CFAP92: variants seen among roughly 807,000 people sequenced by gnomAD.
CFAP92 encodes the protein uncharacterized protein CFAP92.
In CFAP92, 86 loss-of-function variants were observed where a neutral mutation model predicts 106.3. That is an observed-to-expected ratio of 0.81 (90% CI 0.68 to 0.97). The LOEUF (loss-of-function observed/expected upper bound fraction) is 0.97. CFAP92 is among the 50% of genes least tolerant of loss of function. The probability of loss-of-function intolerance (pLI) is 0.00; values close to 1 mark genes in which losing one functional copy is unlikely to be tolerated. For synonymous variants in CFAP92, 477 were observed against 506.4 expected (o/e 0.94, Z 0.78); for missense variants, 1,204 against 1,283.8 (o/e 0.94, Z 0.95).
At chr3:128,978,015 A>C (rs759878453) in intron 5 of CFAP92, 30 bp downstream of exon 5, 4 of 1,613,204 alleles carry the variant, frequency 2.5e-6, no homozygotes, top group East Asian at 2.2e-5. Flanking sequence ...CCTTGCACTC[A>C]GCTTGTCCAC....
In CFAP92 at chr3:128,965,640, G is replaced by A. The variant is rs1379557016; in HGVS notation, c.1224C>T (p.Cys408=). 2.5e-6 allele frequency: 1 copy of A among 398,594 alleles called. No individual in the cohort carries two copies. Among genetic ancestry groups the A allele is most frequent in the Non-Finnish European group, 4.4e-6 (1 of 226,014 alleles). 24.7% of individuals were successfully genotyped at this position (398,594 alleles called of 1,614,324 possible). The part of the protein sequence containing the change: ...GSEKSANILD[C]LLTLKTEVPI... ...GAACTTCTGTTTTTAAAGTCAAAAG[G>A]CAATCTAAAATGTTGGCAGACTTCT... The change falls in exon 9 of 16, where the codon TGC becomes TGT. Residue 408 remains cysteine, a synonymous_variant. Coordinates refer to ENST00000645291, the MANE Select transcript of CFAP92 (RefSeq NM_001394090.1).
chr3:129,023,695 A>T, the CFAP92 span, among the ~76,000 whole-genome samples: 1 of 152,210 alleles, frequency 6.6e-6, no homozygotes, highest in Admixed American at 6.5e-5. Context: ...GGTTTTCATT[A>T]TTGGTTATAA....
At chr3:129,003,945 G>A (rs1171029921), upstream of CFAP92, 2 of 1,407,510 alleles carry the variant, frequency 1.4e-6, no homozygotes, top group Non-Finnish European at 1.8e-6. Context: ...GAGGTGCGGC[G>A]GCGCGCGGAG....
At chr3:128,956,207 T>TAAAAAAAAAAAAAAAAAAAAAAAAAA (rs1256391409) in intron 9 of CFAP92, among the ~76,000 whole-genome samples, 1 of 53,224 alleles carries the variant, frequency 1.9e-5, no homozygotes, top group Non-Finnish European at 3.3e-5. Flanking sequence ...AAAAAAAAAA[T>TAAAAAAAAAAAAAAAAAAAAAAAAAA]AAAAAAATAA....
At chr3:128,984,749 C>A (rs543950461) in intron 4 of CFAP92, among the ~76,000 whole-genome samples, 3 of 152,316 alleles carry the variant, frequency 2.0e-5, no homozygotes, top group African/African-American at 7.2e-5. Flanking sequence ...GACTAGTACA[C>A]TGAGTCAGAT....
intron 10 of CFAP92, among the ~76,000 whole-genome samples, chr3:128,937,581 G>C (rs1939176257): frequency 6.7e-6 from 1 of 150,242 alleles, no homozygotes; most frequent in Non-Finnish European, 1.5e-5. Context: ...TCCAGCTTGG[G>C]CGACAGAGCG....
At chr3:128,941,700 C>G (rs1939651934) in intron 10 of CFAP92, among the ~76,000 whole-genome samples, 1 of 152,224 alleles carries the variant, frequency 6.6e-6, no homozygotes, top group Non-Finnish European at 1.5e-5. Flanking sequence ...TGGTCTCAAA[C>G]TCCTGACCTC....
the CFAP92 span, among the ~76,000 whole-genome samples, chr3:129,015,893 G>A: frequency 6.6e-6 from 1 of 152,172 alleles, no homozygotes; most frequent in African/African-American, 2.4e-5. Context: ...GGAAGCCGCT[G>A]TGTGCGAACC....
At chr3:128,956,203 A>T (rs558805374) in intron 9 of CFAP92, among the ~76,000 whole-genome samples, 1,930 of 104,016 alleles carry the variant, frequency 0.019, 63 homozygotes, top group African/African-American at 0.081. Context: ...AAATAAAAAA[A>T]AAATAAAAAA....
intron 1 of CFAP92, chr3:129,001,613 G>GGC: frequency 1.5e-6 from 2 of 1,355,228 alleles, no homozygotes; most frequent in South Asian, 3.6e-5. Flanking sequence ...GGAGGAGCGA[G>GGC]GCGCGCGGCG....
In CFAP92 at chr3:128,910,240, G is replaced by A. The variant is rs1243657512; in HGVS notation, c.*59C>T. 18 of 1,587,322 alleles carry A rather than the reference G, an allele frequency of 1.1e-5. No homozygotes were observed. The highest frequency in any genetic ancestry group is 1.0e-4 in the Admixed American group (6 of 57,232). ...GTTGATTGTTGAGGAGGGTGTGGTCGGGTGTGGGGGAGGCTGTGCAGGTTC... is the reference window on the plus strand; with the variant it reads ...GTTGATTGTTGAGGAGGGTGTGGTCAGGTGTGGGGGAGGCTGTGCAGGTTC... On this transcript the variant is annotated 3_prime_UTR_variant, in exon 16 of 16. Transcript: ENST00000645291.
At chr3:129,002,206 G>T (rs1479369581) in intron 1 of CFAP92, 2 of 1,516,478 alleles carry the variant, frequency 1.3e-6, no homozygotes, top group African/African-American at 2.9e-5. Context: ...GGCCCCGACA[G>T]CGGTCCTGAC....
intron 9 of CFAP92, among the ~76,000 whole-genome samples, chr3:128,946,729 A>G (rs1940254054): frequency 2.6e-5 from 4 of 152,194 alleles, no homozygotes; most frequent in Admixed American, 2.6e-4. Context: ...GTCACTTTCA[A>G]CCTAGGCCTC....
At chr3:128,925,457 A>G (rs1435439205) in intron 12 of CFAP92, among the ~76,000 whole-genome samples, 1 of 152,104 alleles carries the variant, frequency 6.6e-6, no homozygotes, top group Non-Finnish European at 1.5e-5. Context: ...GGGGTTGGGG[A>G]CCCCTGCATC....
At chr3:128,991,714 A>T in intron 2 of CFAP92, 4 of 993,516 alleles carry the variant, frequency 4.0e-6, no homozygotes, top group Non-Finnish European at 4.9e-6. Flanking sequence ...TCATTGAAAC[A>T]GCATGTTGCT....
Position 128,932,779 on chromosome 3 carries a change from T to G in CFAP92, c.2672A>C (p.His891Pro), listed in dbSNP as rs1185550109. 2 of 1,536,048 alleles carry G rather than the reference T, an allele frequency of 1.3e-6. No individual in the cohort carries two copies. Among genetic ancestry groups the G allele is most frequent in the African/African-American group, 2.7e-5 (2 of 73,046 alleles). The change falls in exon 12 of 16, where the codon CAC (histidine) becomes CCC (proline). Residue 891 changes from histidine (H) to proline (P), a missense_variant. His to Pro is a moderately conservative substitution (Grantham distance 77). Transcript: ENST00000645291. ...CTGCAGGTACTTCTCCTGGTGGGCG[T>G]GGATCTCTAAGGTGAGGGTGGAGTT... is the stretch of plus-strand genomic sequence containing the variant. ...SRNSTLTLEI[H>P]AHQEKYLQWR...
intron 4 of CFAP92, among the ~76,000 whole-genome samples, chr3:128,986,969 TG>T (rs1350845331): frequency 6.6e-6 from 1 of 152,180 alleles, no homozygotes; most frequent in Non-Finnish European, 1.5e-5. Flanking sequence ...GAGACCAGCC[TG>T]GCCAACATGG....
chr3:128,977,923 G>C (rs532497302), intron 5 of CFAP92, 122 bp downstream of exon 5: 1 of 1,249,228 alleles, frequency 8.0e-7, no homozygotes, highest in South Asian at 1.4e-5. Flanking sequence ...AGCCCCGCCC[G>C]CCTCTGCTGC....
intron 9 of CFAP92, among the ~76,000 whole-genome samples, chr3:128,957,484 A>G (rs148381876): frequency 1.6e-4 from 25 of 152,342 alleles, no homozygotes; most frequent in African/African-American, 6.0e-4. Context: ...AATCTATACC[A>G]AGAGATATAA....
Sources: gnomAD v4.1 joint callset for allele counts (sites outside exome capture counted in the v4.1 genomes callset) on GRCh38, gnomAD v4.1.1 for gene constraint, MANE v1.5 for transcripts, NCBI Gene and HGNC (gene_info 2026-07-23, HGNC 2026-07-21) for gene names.